Variants in PPP2R2B observed in about 807,000 individuals in gnomAD.
PPP2R2B encodes serine/threonine-protein phosphatase 2A 55 kDa regulatory subunit B beta isoform.
Under a neutral mutation model 46.0 loss-of-function variants are expected in PPP2R2B, and 5 were observed. That is an observed-to-expected ratio of 0.11 (90% CI 0.06 to 0.23). PPP2R2B has a LOEUF of 0.23. PPP2R2B is among the 10% of genes least tolerant of loss of function. The pLI is 1.00. For missense variants in PPP2R2B, 367 were observed against 575.0 expected, an observed-to-expected ratio of 0.64 and a Z score of 3.70; for synonymous variants, 215 against 206.7, an observed-to-expected ratio of 1.04 and a Z score of -0.34.
At chr5:146,641,469 A>G (rs1446810282) in intron 6 of PPP2R2B, among the ~76,000 whole-genome samples, 1 of 144,578 alleles carries the variant, frequency 6.9e-6, no homozygotes, top group Admixed American at 6.9e-5. Flanking sequence ...TGGTGACTGC[A>G]TTTTCCAGAA....
chr5:146,815,724 CCA>C lies in PPP2R2B; in HGVS notation c.70+62276_70+62277del, dbSNP rs369007483. 2.1e-3 allele frequency among the ~76,000 whole-genome samples: 323 copies of C among 152,220 alleles called. 1 individual carries two copies. The South Asian group carries it at 0.032, about 15-fold the overall frequency. On this transcript the variant is annotated intron_variant, in intron 2 of 9. Coordinates refer to ENST00000394411, the MANE Select transcript of PPP2R2B (RefSeq NM_181675.4). ...TCCATTTTAACCTATCCCCACTTTT[CCA>C]CACACACACACTTTAGGAATCTGAA...
rs562549007 is a variant in PPP2R2B at position 146,669,887 on chromosome 5, C to T, written c.448-19163G>A. ...ATACCATGGCATTTTTTTCTGGTGA[C>T]GTTACTATATTTCCAGTATAAAGAA... is the stretch of plus-strand genomic sequence containing the variant. On this transcript the variant is annotated intron_variant, in intron 5 of 9. Coordinates refer to ENST00000394411, the MANE Select transcript of PPP2R2B (RefSeq NM_181675.4). Among the ~76,000 whole-genome samples, 24 of 152,202 alleles carry T rather than the reference C, an allele frequency of 1.6e-4. No individual in the cohort carries two copies. The South Asian group carries it at 4.4e-3, about 28-fold the overall frequency.
intron 2 of PPP2R2B, among the ~76,000 whole-genome samples, chr5:146,761,449 G>A (rs1373215935): frequency 6.6e-6 from 1 of 152,086 alleles, no homozygotes; most frequent in African/African-American, 2.4e-5. Context: ...TCACTCATAG[G>A]TGGGAATTGA....
chr5:146,615,757 T>G (rs1022773858), intron 7 of PPP2R2B, among the ~76,000 whole-genome samples: 1 of 152,026 alleles, frequency 6.6e-6, no homozygotes, highest in African/African-American at 2.4e-5. Context: ...ACACAAAAAA[T>G]GGAAAGATAT....
chr5:147,076,212 G>C (rs1329752032), intron 2 of PPP2R2B, among the ~76,000 whole-genome samples: 2 of 151,984 alleles, frequency 1.3e-5, no homozygotes, highest in African/African-American at 4.8e-5. Context: ...AAATAAACTA[G>C]GGTATATGTA....
chr5:146,899,839 C>T (rs1186313723), intron 1 of PPP2R2B, among the ~76,000 whole-genome samples: 1 of 152,050 alleles, frequency 6.6e-6, no homozygotes, highest in African/African-American at 2.4e-5. Flanking sequence ...CCTTTGTATA[C>T]CCATATTGGT....
At chr5:146,986,892 A>C (rs959281848) in intron 1 of PPP2R2B, among the ~76,000 whole-genome samples, 3 of 152,132 alleles carry the variant, frequency 2.0e-5, no homozygotes, top group Admixed American at 2.0e-4. Context: ...GAAATATATA[A>C]ATAGGTAGGG....
intron 2 of PPP2R2B, among the ~76,000 whole-genome samples, chr5:146,836,554 T>C (rs538637329): frequency 3.3e-5 from 5 of 152,206 alleles, no homozygotes; most frequent in African/African-American, 1.2e-4. Context: ...ATGAATACTT[T>C]AGCAACTGCT....
intron 1 of PPP2R2B, among the ~76,000 whole-genome samples, chr5:147,042,796 C>A (rs761415705): frequency 3.3e-5 from 5 of 151,910 alleles, no homozygotes; most frequent in African/African-American, 4.8e-5. Context: ...ACAAAGTAGG[C>A]AGGAAGGTTT....
chr5:147,052,076 G>T (rs1756854247), intron 1 of PPP2R2B, among the ~76,000 whole-genome samples: 1 of 151,862 alleles, frequency 6.6e-6, no homozygotes, highest in South Asian at 2.1e-4. Context: ...AATCCTCTTT[G>T]CAAAACCCTG....
chr5:146,903,391 C>CTTTTTTTTTTT (rs58777308), intron 1 of PPP2R2B, among the ~76,000 whole-genome samples: 1 of 120,830 alleles, frequency 8.3e-6, no homozygotes, highest in Non-Finnish European at 1.7e-5. Context: ...CTTTCTTTCT[C>CTTTTTTTTTTT]TTTTTTTTTT....
Position 146,698,079 on chromosome 5 carries a change from G to A in PPP2R2B, c.234C>T (p.Pro78=), listed in dbSNP as rs745793976. 2.3e-5 allele frequency: 37 copies of A among 1,612,184 alleles called. No individual in the cohort carries two copies. In the East Asian group the frequency reaches 2.9e-4, roughly 13 times the overall value. ...NVYSTFQSHE[P]EFDYLKSLEI... is the part of the protein sequence containing the mutation. ...CTAAACTCTTCAGGTAATCGAACTC[G>A]GGTTCATGGCTCTGGAATGTGCTGT... Residue 78 remains proline (P), a synonymous_variant, in exon 4 of 10, where the codon CCC becomes CCT. Transcript: ENST00000394411.
At chr5:146,902,613 C>G (rs1209976424) in intron 1 of PPP2R2B, among the ~76,000 whole-genome samples, 1 of 152,186 alleles carries the variant, frequency 6.6e-6, no homozygotes, top group Non-Finnish European at 1.5e-5. Flanking sequence ...GTTGCCTTTT[C>G]TCTGTCCTCT....
At chr5:146,917,964 G>T (rs1286512752) in intron 1 of PPP2R2B, 2 of 152,208 alleles carry the variant, frequency 1.3e-5, no homozygotes, top group East Asian at 3.8e-4. Flanking sequence ...CATTATGCAA[G>T]CTATCTGCTT....
At chr5:146,671,285 A>G (rs1777352529) in intron 5 of PPP2R2B, among the ~76,000 whole-genome samples, 1 of 152,180 alleles carries the variant, frequency 6.6e-6, no homozygotes, top group Non-Finnish European at 1.5e-5. Context: ...GTCAGGCAAA[A>G]TATTGGGTCT....
At chr5:146,737,393 C>A (rs1259611702) in intron 2 of PPP2R2B, among the ~76,000 whole-genome samples, 1 of 152,148 alleles carries the variant, frequency 6.6e-6, no homozygotes, top group African/African-American at 2.4e-5. Flanking sequence ...AGATAAAGAG[C>A]CTGAAGAAAG....
At position 147,079,356 on chromosome 5, in the gene PPP2R2B, GATAT is replaced by G. The variant is rs10565841; in HGVS notation, c.50+1699_50+1702del. Among the ~76,000 whole-genome samples, 196 of 142,270 alleles carry G rather than the reference GATAT, an allele frequency of 1.4e-3. 1 individual carries two copies. Among genetic ancestry groups the G allele is most frequent in the African/African-American group, 3.5e-3 (134 of 38,822 alleles). The allele number at this position is 142,270 out of a possible 152,430, so 93.3% of individuals were successfully genotyped here. A position where few individuals can be genotyped will look rare whatever the true frequency, so the allele number is the denominator to read the frequency against. ...AAACAGATGAATAGATACATACAGT[GATAT>G]ATATATATATATAATATGTGATATA... On this transcript the variant is annotated intron_variant, in intron 2 of 10. Coordinates refer to the PPP2R2B transcript ENST00000394413.
intron 5 of PPP2R2B, among the ~76,000 whole-genome samples, chr5:146,662,619 T>C (rs1283521137): frequency 1.3e-5 from 2 of 152,202 alleles, no homozygotes; most frequent in African/African-American, 4.8e-5. Context: ...CTTTTCTTTA[T>C]AAATTACCCA....
At chr5:146,617,537 A>G (rs1773284473) in intron 7 of PPP2R2B, among the ~76,000 whole-genome samples, 1 of 152,132 alleles carries the variant, frequency 6.6e-6, no homozygotes, top group Non-Finnish European at 1.5e-5. Context: ...CACACCATTT[A>G]AACAACAGGT....
Sources: gnomAD v4.1 joint callset for allele counts (sites outside exome capture counted in the v4.1 genomes callset) on GRCh38, gnomAD v4.1.1 for gene constraint, MANE v1.5 for transcripts, NCBI Gene and HGNC (gene_info 2026-07-23, HGNC 2026-07-21) for gene names.